RIMBP2: variants seen among roughly 807,000 people sequenced by gnomAD.
The protein encoded by RIMBP2 is RIMS-binding protein 2.
RIMBP2 carries 48 observed loss-of-function variants against 118.6 expected under a neutral mutation model. That is an observed-to-expected ratio of 0.40 (90% CI 0.32 to 0.51). The LOEUF is 0.51. Ranked by LOEUF, RIMBP2 falls within the 20% of genes least tolerant of loss-of-function variation. The probability of loss-of-function intolerance (pLI) is 0.41; values close to 1 mark genes in which losing one functional copy is unlikely to be tolerated. For missense variants in RIMBP2, 1,551 were observed against 1,768.3 expected (o/e 0.88, Z 2.20); for synonymous variants, 762 against 742.9 (o/e 1.03, Z -0.42).
At chr12:130,528,100 T>C (rs1037195385) in intron 2 of RIMBP2, among the ~76,000 whole-genome samples, 2 of 152,194 alleles carry the variant, frequency 1.3e-5, no homozygotes, top group African/African-American at 4.8e-5. Flanking sequence ...ACTGGTTATA[T>C]ACCCAAAGAA....
In RIMBP2 at chr12:130,620,039, C is replaced by T. The variant is rs562102885; in HGVS notation, c.-217+8283G>A. Among the ~76,000 whole-genome samples the T allele has an allele frequency of 2.0e-5, 3 of 152,222 alleles. No homozygotes were observed. Among genetic ancestry groups the T allele is most frequent in the African/African-American group, 7.2e-5 (3 of 41,532 alleles). ...ATGGTGTGCAGACTTGACTTGATGTCGAGAAAGAGGCTCCTGGACCCCTGC... is the reference window on the plus strand; with the variant it reads ...ATGGTGTGCAGACTTGACTTGATGTTGAGAAAGAGGCTCCTGGACCCCTGC... On this transcript the variant is annotated intron_variant, in intron 2 of 22. Coordinates refer to ENST00000690449, the MANE Select transcript of RIMBP2 (RefSeq NM_001393629.1). This position sits in a 1 kb window ranked among gnomAD's most constrained non-coding sequence, Gnocchi z 5.3.
chr12:130,432,007 T>C (rs556615516), intron 14 of RIMBP2: 2 of 189,490 alleles, frequency 1.1e-5, no homozygotes, highest in East Asian at 1.6e-4. Context: ...GGTGGCCACA[T>C]GTCAAGGGCT....
At chr12:130,627,507 A>T (rs1396455996) in intron 2 of RIMBP2, among the ~76,000 whole-genome samples, 1 of 152,218 alleles carries the variant, frequency 6.6e-6, no homozygotes, top group Non-Finnish European at 1.5e-5. Context: ...TGAACCCTGA[A>T]CCTGACCATC....
rs80346092 is a variant in RIMBP2, at chr12:130,491,967, G to A, written c.-3-12951C>T. ...CAGGGAAAAGCTCGGATGTGACACG[G>A]AACGAACGAACCTGAAGCAAACTGA... On this transcript the variant is annotated intron_variant, in intron 4 of 22. Transcript: ENST00000690449. 1.2e-3 allele frequency among the ~76,000 whole-genome samples: 176 copies of A among 152,354 alleles called. 2 individuals are homozygous for A. In the East Asian group the frequency reaches 0.027, roughly 23 times the overall value.
At chr12:130,667,297 A>G (rs1239478792) in intron 1 of RIMBP2, 1 of 152,160 alleles carries the variant, frequency 6.6e-6, no homozygotes, top group Non-Finnish European at 1.5e-5. Flanking sequence ...CTTTCAGGGG[A>G]GAAAAGAGAC....
chr12:130,546,117 T>G (rs865967095), intron 2 of RIMBP2, among the ~76,000 whole-genome samples: 72 of 147,986 alleles, frequency 4.9e-4, no homozygotes, highest in African/African-American at 1.4e-3. Flanking sequence ...TTTTTTTTTT[T>G]GGGATGGAGT....
intron 2 of RIMBP2, among the ~76,000 whole-genome samples, chr12:130,614,842 A>G (rs4592460): frequency 0.81 from 120,862 of 149,856 alleles, 48,879 homozygotes; most frequent in African/African-American, 0.86. Context: ...TCAAATATAT[A>G]TATATAAAAT....
intron 7 of RIMBP2, among the ~76,000 whole-genome samples, chr12:130,452,506 G>A (rs938322668): frequency 6.6e-6 from 1 of 152,182 alleles, no homozygotes; most frequent in Non-Finnish European, 1.5e-5. Flanking sequence ...AGTGAATATC[G>A]AACGATTCAG....
intron 14 of RIMBP2, chr12:130,430,375 C>G (rs1159972672): frequency 6.6e-6 from 1 of 152,220 alleles, no homozygotes; most frequent in Non-Finnish European, 1.5e-5. Flanking sequence ...ATAAATTTCA[C>G]TTATAAAGAG....
intron 4 of RIMBP2, among the ~76,000 whole-genome samples, chr12:130,490,250 T>C (rs1338205782): frequency 6.6e-6 from 1 of 151,664 alleles, no homozygotes; most frequent in East Asian, 1.9e-4. Flanking sequence ...ACTGTGACAA[T>C]TCTAAGTTAA....
intron 1 of RIMBP2, among the ~76,000 whole-genome samples, chr12:130,657,038 G>A (rs1218579394): frequency 1.3e-5 from 2 of 152,238 alleles, no homozygotes; most frequent in Non-Finnish European, 2.9e-5. Flanking sequence ...GGGACTATAG[G>A]TGTGTACCAC....
At position 130,475,400 on chromosome 12, in the gene RIMBP2, A is replaced by G. The variant is rs975794649; in HGVS notation, c.102+3512T>C. ...CAGGTCTGGGGGTGAAGCTGATCCCACCAAGGAATCTCTAAGTACTGCACA... is the reference window on the plus strand; with the variant it reads ...CAGGTCTGGGGGTGAAGCTGATCCCGCCAAGGAATCTCTAAGTACTGCACA... On this transcript the variant is annotated intron_variant, in intron 5 of 22. Transcript: ENST00000690449. This position sits in a 1 kb window ranked among gnomAD's most constrained non-coding sequence, Gnocchi z 4.1. Among the ~76,000 whole-genome samples the G allele has an allele frequency of 3.3e-5, 5 of 152,176 alleles. No individual in the cohort carries two copies. The highest frequency in any genetic ancestry group is 1.2e-4 in the African/African-American group (5 of 41,438).
At chr12:130,413,998 C>T (rs1237524683) in intron 18 of RIMBP2, 127 bp downstream of exon 18, 14 of 1,003,536 alleles carry the variant, frequency 1.4e-5, no homozygotes, top group African/African-American at 4.8e-5. Context: ...CACCTCCTCC[C>T]GTGCCTCGCC....
chr12:130,650,420 C>A (rs1324311627), intron 1 of RIMBP2, among the ~76,000 whole-genome samples: 2 of 152,250 alleles, frequency 1.3e-5, no homozygotes, highest in Non-Finnish European at 2.9e-5. Flanking sequence ...CTGCTCGTTG[C>A]TACCACTTTG....
At chr12:130,480,453 C>A (rs567128827) in intron 4 of RIMBP2, among the ~76,000 whole-genome samples, 1 of 152,362 alleles carries the variant, frequency 6.6e-6, no homozygotes, top group Non-Finnish European at 1.5e-5. Context: ...ACAGATGACC[C>A]AGGTCCTAAA....
chr12:130,680,128 C>T (rs2136540342), intron 1 of RIMBP2, among the ~76,000 whole-genome samples: 1 of 152,380 alleles, frequency 6.6e-6, no homozygotes, highest in Admixed American at 6.5e-5. Flanking sequence ...TGTATGGAAA[C>T]AGGAGCTCTC....
rs185703066 is a variant in RIMBP2, at chr12:130,455,341, G to A, written c.358+1155C>T. 2.0e-3 allele frequency among the ~76,000 whole-genome samples: 307 copies of A among 152,302 alleles called. 2 individuals are homozygous for A. Among genetic ancestry groups the A allele is most frequent in the Non-Finnish European group, 2.8e-3 (191 of 68,030 alleles). On this transcript the variant is annotated intron_variant, in intron 7 of 22. Transcript: ENST00000690449. ...CCTCATCACCTGGTCTTCATGCAGC[G>A]TCTGGATCAGAGGCTCCCCACGTAT...
At chr12:130,686,109 A>G (rs2065030109) in intron 1 of RIMBP2, among the ~76,000 whole-genome samples, 1 of 152,106 alleles carries the variant, frequency 6.6e-6, no homozygotes, top group Non-Finnish European at 1.5e-5. Flanking sequence ...TCCTCCCTTT[A>G]AAGGGAAAAC....
At chr12:130,564,657 A>T (rs1035289618) in intron 2 of RIMBP2, among the ~76,000 whole-genome samples, 6 of 152,244 alleles carry the variant, frequency 3.9e-5, no homozygotes, top group Non-Finnish European at 8.8e-5. Context: ...CAGTTGCAGA[A>T]GGACAAATAC....
Sources: allele counts gnomAD v4.1 joint callset (sites outside exome capture counted in the v4.1 genomes callset), GRCh38; gene constraint gnomAD v4.1.1; non-coding constraint Gnocchi (gnomAD v3.1); transcripts MANE v1.5; gene names NCBI Gene and HGNC (gene_info 2026-07-23, HGNC 2026-07-21).